Variants in GLS2 observed in about 807,000 individuals in gnomAD.
GLS2 encodes the protein glutaminase 2, also known as glutaminase liver isoform, mitochondrial.
In GLS2, 52 loss-of-function variants were observed where a neutral mutation model predicts 79.0. The observed-to-expected ratio is 0.66, with a 90% CI of 0.53 to 0.83. GLS2 has a LOEUF of 0.83. Ranked by LOEUF, GLS2 falls within the 40% of genes least tolerant of loss-of-function variation. GLS2 has a pLI of 0.00. For synonymous variants in GLS2, 238 were observed against 280.8 expected, an observed-to-expected ratio of 0.85 and a Z score of 1.52; for missense variants, 561 against 764.8, an observed-to-expected ratio of 0.73 and a Z score of 3.14.
chr12:56,475,768 A>G, intron 8 of GLS2, 86 bp from the exon 9 acceptor site: 1 of 1,489,070 alleles, frequency 6.7e-7, no homozygotes, highest in Non-Finnish European at 9.3e-7. Flanking sequence ...TTCTGAACTC[A>G]GGTCTTGTCA....
chr12:56,480,452 G>T, intron 1 of GLS2, 65 bp from the exon 2 acceptor site: 1 of 1,205,708 alleles, frequency 8.3e-7, no homozygotes, highest in Non-Finnish European at 1.2e-6. Flanking sequence ...TCCTCCTTCT[G>T]CAACATGGGC....
chr12:56,478,417 G>A (rs1870014582), intron 4 of GLS2, 155 bp from the exon 5 acceptor site: 3 of 706,768 alleles, frequency 4.2e-6, no homozygotes, highest in Admixed American at 5.1e-5. Flanking sequence ...AGAAATGCCC[G>A]AGCCTTAAGT....
At chr12:56,473,991 C>G (rs750755525) in intron 12 of GLS2, 20 of 177,462 alleles carry the variant, frequency 1.1e-4, no homozygotes, top group Non-Finnish European at 2.4e-4. Flanking sequence ...TCAGAAAAGT[C>G]TTTCTTTGGA....
intron 1 of GLS2, among the ~76,000 whole-genome samples, chr12:56,486,211 C>T (rs1014759611): frequency 2.0e-5 from 3 of 152,050 alleles, no homozygotes; most frequent in Non-Finnish European, 4.4e-5. Context: ...CTGGGGAGCA[C>T]CAGTCCGAGG....
At chr12:56,483,668 A>T (rs975744112) in intron 1 of GLS2, among the ~76,000 whole-genome samples, 2 of 150,566 alleles carry the variant, frequency 1.3e-5, no homozygotes, top group African/African-American at 2.4e-5. Flanking sequence ...CTGGCCTTGA[A>T]CTCCTGGGCT....
chr12:56,484,140 C>T (rs551648613), intron 1 of GLS2, among the ~76,000 whole-genome samples: 260 of 152,160 alleles, frequency 1.7e-3, no homozygotes, highest in Non-Finnish European at 2.9e-3. Flanking sequence ...TGTGGTGGCG[C>T]GCACCTGTAA....
intron 1 of GLS2, among the ~76,000 whole-genome samples, chr12:56,485,162 A>G (rs1870582796): frequency 6.6e-6 from 1 of 152,226 alleles, no homozygotes; most frequent in African/African-American, 2.4e-5. Flanking sequence ...TTGTTAAATT[A>G]CATATACATA....
intron 1 of GLS2, among the ~76,000 whole-genome samples, chr12:56,483,548 C>G (rs1304294296): frequency 6.6e-6 from 1 of 152,058 alleles, no homozygotes; most frequent in Non-Finnish European, 1.5e-5. Flanking sequence ...ATAATATTAA[C>G]TAAAAGAAGC....
Position 56,478,116 on chromosome 12 carries a change from A to G in GLS2, c.615-20T>C. The G allele has an allele frequency of 6.2e-7, 1 of 1,614,092 alleles. No homozygotes were observed. On this transcript the variant is annotated intron_variant, in intron 5 of 17. Transcript: ENST00000311966. ...GAGTGCCTGGAGGCAGACAGATGCC[A>G]TGAAAGGGGTTGGCCTGTGTTCGGC...
chr12:56,484,877 A>G (rs552276431), intron 1 of GLS2, among the ~76,000 whole-genome samples: 139 of 152,352 alleles, frequency 9.1e-4, no homozygotes, highest in African/African-American at 3.1e-3. Flanking sequence ...ATCAGCATGT[A>G]TTTTATGCAT....
At chr12:56,483,994 G>A (rs1236648854) in intron 1 of GLS2, among the ~76,000 whole-genome samples, 2 of 152,104 alleles carry the variant, frequency 1.3e-5, no homozygotes, top group African/African-American at 4.8e-5. Flanking sequence ...AAGACTGGCT[G>A]GGCATGGTGG....
intron 13 of GLS2, 26 bp from the exon 14 acceptor site, chr12:56,473,346 T>A: frequency 1.2e-6 from 2 of 1,613,156 alleles, no homozygotes; most frequent in Non-Finnish European, 1.7e-6. Flanking sequence ...AAATATATTG[T>A]TTATTTACTC....
At position 56,471,568 on chromosome 12, in the gene GLS2, C is replaced by T. The variant is rs994019251; in HGVS notation, c.1728G>A (p.Gln576=). Residue 576 remains glutamine (Q), a synonymous_variant, in exon 18 of 18, where the codon CAG becomes CAA. Coordinates refer to ENST00000311966, the MANE Select transcript of GLS2 (RefSeq NM_013267.4). ...LEVVKLLQDY[Q]DSYTLSETQA... ...GAGTTTCAGAGAGTGTGTAGGAGTC[C>T]TGGTAATCTTGAAGCAGTTTGACCA... 1 of 1,614,016 alleles carries T rather than the reference C, an allele frequency of 6.2e-7. No individual in the cohort carries two copies. The highest frequency in any genetic ancestry group is 1.7e-5 in the Admixed American group (1 of 59,972).
At position 56,477,658 on chromosome 12, in the gene GLS2, A is replaced by G; in HGVS notation, c.837+2T>C. Reference sequence around the variant, plus strand: ...CTATCAGAAGGTTAAGGTGGCACTGACCTTGATCAGGGAGCTGACAACAAT... The same window carrying G: ...CTATCAGAAGGTTAAGGTGGCACTGGCCTTGATCAGGGAGCTGACAACAAT... On this transcript the variant is annotated splice_donor_variant, in intron 7 of 17. Coordinates refer to ENST00000311966, the MANE Select transcript of GLS2 (RefSeq NM_013267.4). LOFTEE classifies it high-confidence loss of function. The G allele has an allele frequency of 6.2e-7, 1 of 1,613,194 alleles. No homozygotes were observed. Among genetic ancestry groups the G allele is most frequent in the Non-Finnish European group, 8.5e-7 (1 of 1,179,612 alleles).
At chr12:56,486,558 G>C (rs2136198537) in intron 1 of GLS2, among the ~76,000 whole-genome samples, 1 of 152,260 alleles carries the variant, frequency 6.6e-6, no homozygotes, top group South Asian at 2.1e-4. Flanking sequence ...AAAGAGAAAA[G>C]GGCCGGGCGT....
intron 1 of GLS2, among the ~76,000 whole-genome samples, chr12:56,483,502 G>C (rs752516802): frequency 1.3e-5 from 2 of 152,140 alleles, no homozygotes; most frequent in Non-Finnish European, 2.9e-5. Context: ...AAATTGGGGT[G>C]TGCTCTAAGA....
intron 12 of GLS2, chr12:56,474,233 G>A: frequency 2.8e-6 from 1 of 353,566 alleles, no homozygotes; most frequent in Non-Finnish European, 5.4e-6. Context: ...GGGATTACAG[G>A]TGCACACCAC....
At chr12:56,482,381 C>T (rs1870367379) in intron 1 of GLS2, among the ~76,000 whole-genome samples, 1 of 152,210 alleles carries the variant, frequency 6.6e-6, no homozygotes, top group East Asian at 1.9e-4. Context: ...TATGCTGTAA[C>T]TTCTGCATAG....
intron 1 of GLS2, chr12:56,487,465 C>T (rs1225014754): frequency 5.5e-6 from 1 of 180,568 alleles, no homozygotes; most frequent in Non-Finnish European, 1.1e-5. Context: ...CGTACCTGCG[C>T]ACCAATAATA....
Sources: gnomAD v4.1 joint callset for allele counts (sites outside exome capture counted in the v4.1 genomes callset) on GRCh38, gnomAD v4.1.1 for gene constraint, MANE v1.5 for transcripts, NCBI Gene and HGNC (gene_info 2026-07-23, HGNC 2026-07-21) for gene names.